Variants in HPSE2 observed in about 807,000 individuals in gnomAD.
The protein encoded by HPSE2 is heparanase 2 (inactive).
Under a neutral mutation model 60.5 loss-of-function variants are expected in HPSE2, and 38 were observed. The ratio of observed to expected loss-of-function variants is 0.63; its 90% CI spans 0.48 to 0.82. The LOEUF (loss-of-function observed/expected upper bound fraction) is 0.82, where lower values mean the gene tolerates loss of function less well. Ranked by LOEUF, HPSE2 falls within the 40% of genes least tolerant of loss-of-function variation. HPSE2 has a pLI of 0.00. For synonymous variants in HPSE2, 295 were observed against 293.2 expected, an observed-to-expected ratio of 1.01 and a Z score of -0.06; for missense variants, 713 against 740.4, an observed-to-expected ratio of 0.96 and a Z score of 0.43.
intron 9 of HPSE2, among the ~76,000 whole-genome samples, chr10:98,574,131 T>G (rs1394696007): frequency 2.6e-5 from 4 of 151,980 alleles, no homozygotes; most frequent in South Asian, 2.1e-4. Flanking sequence ...TTTGTATAAG[T>G]GGAATCATAA....
intron 3 of HPSE2, among the ~76,000 whole-genome samples, chr10:98,970,280 A>C (rs4400732): frequency 0.76 from 116,138 of 151,964 alleles, 44,748 homozygotes; most frequent in East Asian, 0.86. Flanking sequence ...CACTTTTAAA[A>C]ACATAGATCA....
At chr10:98,606,343 G>A (rs1005373112) in intron 9 of HPSE2, among the ~76,000 whole-genome samples, 8 of 152,204 alleles carry the variant, frequency 5.3e-5, no homozygotes, top group East Asian at 1.9e-4. Flanking sequence ...CTGGCTTCAC[G>A]TTGAATCACT....
At chr10:98,608,229 C>T (rs111467392) in intron 9 of HPSE2, among the ~76,000 whole-genome samples, 1 of 152,198 alleles carries the variant, frequency 6.6e-6, no homozygotes, top group Non-Finnish European at 1.5e-5. Flanking sequence ...CTAACACCAG[C>T]ACAGTTAGCC....
chr10:98,728,414 T>C lies in HPSE2; in HGVS notation c.785-6586A>G, dbSNP rs1949145275. Among the ~76,000 whole-genome samples the C allele has an allele frequency of 2.6e-5, 4 of 152,068 alleles. No individual in the cohort carries two copies. The South Asian group carries it at 8.3e-4, about 32-fold the overall frequency. ...GGGTGGATCACCTGAGGTCAGGAGT[T>C]TGAGACCAGCCTGGCCAACATGGTG... On this transcript the variant is annotated intron_variant, in intron 4 of 11. Coordinates refer to ENST00000370552, the MANE Select transcript of HPSE2 (RefSeq NM_021828.5).
At chr10:98,465,339 G>A (rs933909058) in intron 11 of HPSE2, among the ~76,000 whole-genome samples, 2 of 152,150 alleles carry the variant, frequency 1.3e-5, no homozygotes, top group Non-Finnish European at 2.9e-5. Context: ...TAGCATTCCT[G>A]TATTACAGAT....
intron 6 of HPSE2, among the ~76,000 whole-genome samples, chr10:98,661,520 T>C (rs1227626652): frequency 2.0e-5 from 3 of 152,234 alleles, no homozygotes; most frequent in Non-Finnish European, 4.4e-5. Context: ...TTTAAGCACA[T>C]ATAAGCAGAG....
At chr10:98,936,495 T>G (rs1196025986) in intron 3 of HPSE2, among the ~76,000 whole-genome samples, 1 of 143,138 alleles carries the variant, frequency 7.0e-6, no homozygotes, top group Non-Finnish European at 1.5e-5. Context: ...GTACCCCCAG[T>G]GGGTAGCACA....
At position 98,686,755 on chromosome 10, in the gene HPSE2, A is replaced by C. The variant is rs1947927486; in HGVS notation, c.1004+7145T>G. On this transcript the variant is annotated intron_variant, in intron 6 of 11. Transcript: ENST00000370552. ...CATTTTATAGATATTTTTGTTACTA[A>C]TACCTAACTTAGTTTCTTTGTCATC... is the stretch of plus-strand genomic sequence containing the variant. Among the ~76,000 whole-genome samples the C allele has an allele frequency of 2.6e-5, 4 of 152,258 alleles. No individual in the cohort carries two copies. The South Asian group carries it at 8.3e-4, about 32-fold the overall frequency.
intron 6 of HPSE2, among the ~76,000 whole-genome samples, chr10:98,645,597 A>T (rs1409795121): frequency 1.3e-5 from 2 of 152,218 alleles, no homozygotes; most frequent in African/African-American, 4.8e-5. Flanking sequence ...TCATTTGCAA[A>T]CTTAAACCCA....
the HPSE2 span, among the ~76,000 whole-genome samples, chr10:99,249,515 T>C: frequency 6.6e-6 from 1 of 152,248 alleles, no homozygotes; most frequent in South Asian, 2.1e-4. Context: ...AACTTGTTTT[T>C]GATTTTACAG....
intron 6 of HPSE2, among the ~76,000 whole-genome samples, chr10:98,675,659 T>C (rs542746033): frequency 6.6e-6 from 1 of 151,448 alleles, no homozygotes; most frequent in African/African-American, 2.4e-5. Flanking sequence ...GCTCAGGAGG[T>C]TGGAGCTACA....
intron 3 of HPSE2, among the ~76,000 whole-genome samples, chr10:98,991,871 G>T (rs536239030): frequency 3.4e-4 from 52 of 152,102 alleles, no homozygotes; most frequent in Admixed American, 1.1e-3. Flanking sequence ...CATAAAACTG[G>T]CTAGGAGCAG....
At chr10:99,192,986 T>C (rs1330196878) in intron 2 of HPSE2, among the ~76,000 whole-genome samples, 2 of 151,966 alleles carry the variant, frequency 1.3e-5, no homozygotes, top group East Asian at 3.8e-4. Context: ...TGCAGAAAAA[T>C]ACAAAATATT....
At chr10:98,730,776 T>C (rs1034134119) in intron 4 of HPSE2, among the ~76,000 whole-genome samples, 56 of 152,166 alleles carry the variant, frequency 3.7e-4, no homozygotes, top group Non-Finnish European at 7.2e-4. Context: ...AGAAAATCTA[T>C]ATAGACACAT....
At chr10:98,933,086 T>A (rs1256030690) in intron 3 of HPSE2, among the ~76,000 whole-genome samples, 1 of 144,094 alleles carries the variant, frequency 6.9e-6, no homozygotes, top group East Asian at 2.0e-4. Flanking sequence ...TTCTAGCTTT[T>A]TGATGTGAGT....
chr10:98,475,051 A>G (rs1225105315), intron 11 of HPSE2, among the ~76,000 whole-genome samples: 1 of 152,114 alleles, frequency 6.6e-6, no homozygotes, highest in Admixed American at 6.5e-5. Flanking sequence ...TGAACTTTAC[A>G]TTCAGAATTT....
chr10:99,101,023 A>G (rs1025055805), intron 3 of HPSE2, among the ~76,000 whole-genome samples: 4 of 152,348 alleles, frequency 2.6e-5, no homozygotes, highest in Non-Finnish European at 2.9e-5. Context: ...GGTACCAGCC[A>G]CTGCAAAAAC....
At chr10:98,506,147 G>C (rs1942192257) in intron 9 of HPSE2, among the ~76,000 whole-genome samples, 1 of 152,088 alleles carries the variant, frequency 6.6e-6, no homozygotes, top group East Asian at 1.9e-4. Flanking sequence ...AACTGAAAAA[G>C]AACTCCTTCC....
intron 3 of HPSE2, among the ~76,000 whole-genome samples, chr10:98,757,132 C>G (rs1323934798): frequency 2.0e-5 from 3 of 152,076 alleles, no homozygotes; most frequent in Non-Finnish European, 4.4e-5. Flanking sequence ...AATTCAACAT[C>G]CTTCATGTTA....
Sources: allele counts gnomAD v4.1 joint callset (sites outside exome capture counted in the v4.1 genomes callset), GRCh38; gene constraint gnomAD v4.1.1; transcripts MANE v1.5; gene names NCBI Gene and HGNC (gene_info 2026-07-23, HGNC 2026-07-21).